The following FBXO33 variants were observed in gnomAD, a reference collection of about 807,000 sequenced individuals.
The protein encoded by FBXO33 is F-box protein 33, also known as F-box only protein 33.
FBXO33 carries 22 observed loss-of-function variants against 46.3 expected under a neutral mutation model. The ratio of observed to expected loss-of-function variants is 0.48; its 90% CI spans 0.34 to 0.68. The LOEUF (loss-of-function observed/expected upper bound fraction) is 0.68. Ranked by LOEUF, FBXO33 falls within the 30% of genes least tolerant of loss-of-function variation. The pLI is 0.01. For synonymous variants in FBXO33, 337 were observed against 291.3 expected, an observed-to-expected ratio of 1.16 and a Z score of -1.60; for missense variants, 692 against 708.8, an observed-to-expected ratio of 0.98 and a Z score of 0.27.
At chr14:39,403,411 C>A (rs1000175848) in intron 1 of FBXO33, among the ~76,000 whole-genome samples, 1 of 152,160 alleles carries the variant, frequency 6.6e-6, no homozygotes, top group African/African-American at 2.4e-5. Context: ...GCCTGGCCAA[C>A]ATGGCAAGAC....
At chr14:39,424,344 TACTGTAATTTCACTTA>T (rs2075500297) in intron 1 of FBXO33, among the ~76,000 whole-genome samples, 2 of 152,260 alleles carry the variant, frequency 1.3e-5, no homozygotes, top group African/African-American at 2.4e-5. Flanking sequence ...CCAACTGAGA[TACTGTAATTTCACTTA>T]ACGTGTTTTC....
chr14:39,428,636 T>C (rs2075528211), intron 1 of FBXO33, among the ~76,000 whole-genome samples: 1 of 152,194 alleles, frequency 6.6e-6, no homozygotes, highest in South Asian at 2.1e-4. Context: ...ATGGCTACTC[T>C]TCAGGTATTT....
At chr14:39,424,915 T>C (rs1307151471) in intron 1 of FBXO33, among the ~76,000 whole-genome samples, 4 of 152,012 alleles carry the variant, frequency 2.6e-5, no homozygotes, top group African/African-American at 9.7e-5. Context: ...TAGCTGGGCG[T>C]GGTGGTGCAT....
intron 1 of FBXO33, among the ~76,000 whole-genome samples, chr14:39,430,586 CA>C (rs1483999880): frequency 6.6e-6 from 1 of 152,128 alleles, no homozygotes; most frequent in African/African-American, 2.4e-5. Flanking sequence ...TACCCTGCCT[CA>C]TAGTGCCACT....
chr14:39,425,440 A>G (rs1046992651), intron 1 of FBXO33, among the ~76,000 whole-genome samples: 2 of 152,268 alleles, frequency 1.3e-5, no homozygotes, highest in East Asian at 3.8e-4. Context: ...ATGGTTCTTT[A>G]AAAAGATGCT....
In FBXO33 at chr14:39,399,460, ACAT is replaced by A. The variant is rs2075358344; in HGVS notation, c.*53_*55del. The A allele has an allele frequency of 6.7e-7, 1 of 1,496,860 alleles. No homozygotes were observed. 92.7% of individuals were successfully genotyped at this position (1,496,860 alleles called of 1,614,324 possible). On this transcript the variant is annotated 3_prime_UTR_variant, in exon 4 of 4. Coordinates refer to ENST00000298097, the MANE Select transcript of FBXO33 (RefSeq NM_203301.4). ...ATTAATTCACACTACTGAAAAAAAAACATAATAGGACCCTACTTGCATATGTAA... is the reference window on the plus strand; with the variant it reads ...ATTAATTCACACTACTGAAAAAAAAAAATAGGACCCTACTTGCATATGTAA...
At position 39,432,015 on chromosome 14, in the gene FBXO33, C is replaced by A. The variant is rs559317909; in HGVS notation, c.148G>T (p.Gly50Ter). ...GLLRVLRGRP[G>*]AGSRRRGRMA... The stretch of plus-strand genomic sequence containing the variant: ...CGGCCCCGCCGCCGGCTGCCGGCTC[C>A]CGGCCGCCCCCGCAGTACCCGGAGC... Residue 50 changes from glycine to a stop codon, truncating the protein, a stop_gained, in exon 1 of 4, where the codon GGA becomes TGA. Transcript: ENST00000298097. LOFTEE classifies it high-confidence loss of function. 4.3e-6 allele frequency: 6 copies of A among 1,410,086 alleles called. No homozygotes were observed. In the East Asian group the frequency reaches 1.4e-4, roughly 34 times the overall value. 87.3% of individuals were successfully genotyped at this position (1,410,086 alleles called of 1,614,324 possible).
At position 39,413,664 on chromosome 14, in the gene FBXO33, G is replaced by A. The variant is rs181839750; in HGVS notation, c.600-11153C>T. ...ACTTGAAAGTCAAAATTAACTCTTG[G>A]ATCCATGGGCTGCAGAACAGATGCT... On this transcript the variant is annotated intron_variant, in intron 1 of 3. Transcript: ENST00000298097. Among the ~76,000 whole-genome samples the A allele has an allele frequency of 2.0e-4, 31 of 152,228 alleles. No individual in the cohort carries two copies. In the East Asian group the frequency reaches 5.2e-3, roughly 26 times the overall value.
Position 39,419,139 on chromosome 14 carries a change from C to T in FBXO33, c.599+12425G>A, listed in dbSNP as rs180849187. Among the ~76,000 whole-genome samples, 149 of 152,308 alleles carry T rather than the reference C, an allele frequency of 9.8e-4. 3 individuals are homozygous for T. The South Asian group carries it at 9.9e-3, about 10-fold the overall frequency. On this transcript the variant is annotated intron_variant, in intron 1 of 3. Coordinates refer to ENST00000298097, the MANE Select transcript of FBXO33 (RefSeq NM_203301.4). ...ACTAAAGTACAGCAAGGTAGAGAAT[C>T]GAGGTTTTAACTTCCACTAAGTGAT...
chr14:39,420,012 A>G (rs903874461), intron 1 of FBXO33, among the ~76,000 whole-genome samples: 1 of 152,252 alleles, frequency 6.6e-6, no homozygotes, highest in African/African-American at 2.4e-5. Context: ...TTTTGTCCTT[A>G]ACAGTATTTT....
chr14:39,402,493 A>G lies in FBXO33; in HGVS notation c.618T>C (p.Ser206=), dbSNP rs753182423. Residue 206 remains serine, a synonymous_variant, in exon 2 of 4, where the codon AGT becomes AGC. Transcript: ENST00000298097. ...GTAGAACACTTATGTCTCCAAAAAG[A>G]CTAAACTTCTGAAGGTTCCTACAAG... ...IRNNRNLQKF[S]LFGDISVLQQ... is the part of the protein sequence containing the mutation. The G allele has an allele frequency of 6.5e-7, 1 of 1,530,476 alleles. No homozygotes were observed. The highest frequency in any genetic ancestry group is 8.8e-7 in the Non-Finnish European group (1 of 1,137,066). 94.8% of individuals were successfully genotyped at this position (1,530,476 alleles called of 1,614,324 possible). A position where few individuals can be genotyped will look rare whatever the true frequency, so the allele number is the denominator to read the frequency against.
At chr14:39,426,592 T>C (rs2075516340) in intron 1 of FBXO33, among the ~76,000 whole-genome samples, 1 of 152,208 alleles carries the variant, frequency 6.6e-6, no homozygotes, top group Admixed American at 6.5e-5. Context: ...CTTCTTCTAC[T>C]TCTCAGAACT....
chr14:39,399,459 A>AACAT lies in FBXO33; in HGVS notation c.*53_*56dup. On this transcript the variant is annotated 3_prime_UTR_variant, in exon 4 of 4. Coordinates refer to ENST00000298097, the MANE Select transcript of FBXO33 (RefSeq NM_203301.4). ...GATTAATTCACACTACTGAAAAAAA[A>AACAT]ACATAATAGGACCCTACTTGCATAT... is the stretch of plus-strand genomic sequence containing the variant. The AACAT allele has an allele frequency of 1.3e-6, 2 of 1,495,438 alleles. No homozygotes were observed. Among genetic ancestry groups the AACAT allele is most frequent in the Non-Finnish European group, 1.8e-6 (2 of 1,111,216 alleles). The allele number at this position is 1,495,438 out of a possible 1,614,324, so 92.6% of individuals were successfully genotyped here.
In FBXO33 at chr14:39,432,031, T is replaced by TACCCGGAGCAGCCCCCGCAGC; in HGVS notation, c.111_131dup (p.Leu41_Gly47dup). The stretch of plus-strand genomic sequence containing the variant: ...TGCCGGCTCCCGGCCGCCCCCGCAG[T>TACCCGGAGCAGCCCCCGCAGC]ACCCGGAGCAGCCCCCGCAGCCGTC... On this transcript the variant is annotated inframe_insertion, in exon 1 of 4. Coordinates refer to ENST00000298097, the MANE Select transcript of FBXO33 (RefSeq NM_203301.4). 7.4e-7 allele frequency: 1 copy of TACCCGGAGCAGCCCCCGCAGC among 1,357,610 alleles called. No individual in the cohort carries two copies. The highest frequency in any genetic ancestry group is 9.4e-7 in the Non-Finnish European group (1 of 1,062,174). 84.1% of individuals were successfully genotyped at this position (1,357,610 alleles called of 1,614,324 possible). A position where few individuals can be genotyped will look rare whatever the true frequency, so the allele number is the denominator to read the frequency against.
intron 1 of FBXO33, among the ~76,000 whole-genome samples, chr14:39,422,418 T>C (rs967181191): frequency 6.6e-6 from 1 of 152,250 alleles, no homozygotes; most frequent in African/African-American, 2.4e-5. Context: ...CTACAAGCTA[T>C]TCCCAACACA....
intron 1 of FBXO33, among the ~76,000 whole-genome samples, chr14:39,412,529 T>C (rs781566471): frequency 6.6e-6 from 1 of 152,246 alleles, no homozygotes; most frequent in Non-Finnish European, 1.5e-5. Flanking sequence ...TGATGGAATT[T>C]AATCCATTTA....
intron 1 of FBXO33, among the ~76,000 whole-genome samples, chr14:39,411,519 T>TCC (rs150347950): frequency 4.0e-4 from 60 of 150,336 alleles, no homozygotes; most frequent in South Asian, 1.3e-3. Context: ...TTATTTGACT[T>TCC]CCCCCCCCTT....
At chr14:39,407,888 C>CAT (rs2075406223) in intron 1 of FBXO33, among the ~76,000 whole-genome samples, 1 of 152,070 alleles carries the variant, frequency 6.6e-6, no homozygotes, top group Admixed American at 6.6e-5. Flanking sequence ...GTGGCTGCAC[C>CAT]ATTTTACATT....
At chr14:39,428,504 C>T (rs1205242467) in intron 1 of FBXO33, among the ~76,000 whole-genome samples, 3 of 151,662 alleles carry the variant, frequency 2.0e-5, no homozygotes, top group South Asian at 2.1e-4. Flanking sequence ...CCCTGGCCAA[C>T]GATATGAATT....
Sources: allele counts gnomAD v4.1 joint callset (sites outside exome capture counted in the v4.1 genomes callset), GRCh38; gene constraint gnomAD v4.1.1; transcripts MANE v1.5; gene names NCBI Gene and HGNC (gene_info 2026-07-23, HGNC 2026-07-21).